Variants in SGCD observed in about 807,000 individuals in gnomAD.
SGCD encodes delta-sarcoglycan.
Under a neutral mutation model 36.6 loss-of-function variants are expected in SGCD, and 18 were observed. The observed-to-expected ratio is 0.49, with a 90% CI of 0.34 to 0.73. The LOEUF is 0.73. Ranked by LOEUF, SGCD falls within the 30% of genes least tolerant of loss-of-function variation. The pLI is 0.01. For synonymous variants in SGCD, 133 were observed against 130.6 expected, an observed-to-expected ratio of 1.02 and a Z score of -0.12; for missense variants, 387 against 346.7, an observed-to-expected ratio of 1.12 and a Z score of -0.92.
At chr5:156,256,285 G>A (rs1048266835) in intron 3 of SGCD, among the ~76,000 whole-genome samples, 2 of 152,180 alleles carry the variant, frequency 1.3e-5, no homozygotes, top group African/African-American at 4.8e-5. Context: ...CTCAAAACAA[G>A]TTAAGAATAT....
intron 3 of SGCD, among the ~76,000 whole-genome samples, chr5:156,264,788 G>C (rs1204400240): frequency 2.6e-5 from 4 of 152,082 alleles, no homozygotes; most frequent in African/African-American, 7.2e-5. Context: ...CATGTAACAA[G>C]GTAGAGGATT....
intron 3 of SGCD, among the ~76,000 whole-genome samples, chr5:156,220,391 A>T (rs1764687585): frequency 6.6e-6 from 1 of 152,276 alleles, no homozygotes; most frequent in Admixed American, 6.5e-5. Flanking sequence ...CCAACAGTCT[A>T]TTAAATAGAT....
chr5:156,050,655 A>G (rs142728317), intron 1 of SGCD, among the ~76,000 whole-genome samples: 2,050 of 146,516 alleles, frequency 0.014, 278 homozygotes, highest in Middle Eastern at 0.043. Flanking sequence ...AAAACAACAT[A>G]TATTTATTAT....
At chr5:156,044,274 C>T (rs1357563176) in intron 1 of SGCD, among the ~76,000 whole-genome samples, 2 of 152,154 alleles carry the variant, frequency 1.3e-5, no homozygotes, top group East Asian at 3.8e-4. Context: ...TCAACAAAGG[C>T]TGTTGAATGG....
chr5:155,854,573 T>G, the SGCD span, among the ~76,000 whole-genome samples: 1 of 152,182 alleles, frequency 6.6e-6, no homozygotes, highest in Non-Finnish European at 1.5e-5. Flanking sequence ...TTCAACTTGT[T>G]GGACCAAATG....
intron 6 of SGCD, among the ~76,000 whole-genome samples, chr5:156,618,232 A>T (rs1487396056): frequency 6.6e-6 from 1 of 152,200 alleles, no homozygotes. Context: ...CATTTGAGTA[A>T]TAAATCCTAA....
intron 6 of SGCD, among the ~76,000 whole-genome samples, chr5:156,632,465 T>G (rs773249400): frequency 1.3e-5 from 2 of 152,246 alleles, no homozygotes; most frequent in African/African-American, 2.4e-5. Context: ...AGACCTTTCT[T>G]TGGACTTTGT....
intron 1 of SGCD, among the ~76,000 whole-genome samples, chr5:156,033,663 G>A (rs1759415556): frequency 6.6e-6 from 1 of 152,180 alleles, no homozygotes; most frequent in Admixed American, 6.5e-5. Context: ...GGGAGGTAAA[G>A]TAGCTTTCTC....
intron 7 of SGCD, among the ~76,000 whole-genome samples, chr5:156,732,349 A>G (rs1485681497): frequency 1.3e-5 from 2 of 152,144 alleles, no homozygotes; most frequent in East Asian, 3.8e-4. Flanking sequence ...TTCTGCATCT[A>G]TTGAGATAAT....
chr5:155,864,631 A>G, the SGCD span, among the ~76,000 whole-genome samples: 4 of 152,364 alleles, frequency 2.6e-5, no homozygotes, highest in Admixed American at 2.6e-4. Context: ...ATTTGTATAC[A>G]GATTTTACTA....
chr5:155,818,310 AGGAGGGT>A, the SGCD span, among the ~76,000 whole-genome samples: 1 of 152,084 alleles, frequency 6.6e-6, no homozygotes, highest in African/African-American at 2.4e-5. Context: ...CAGGGTTGGA[AGGAGGGT>A]ATTCCAAAAA....
At chr5:155,918,866 C>T (rs953863526) in intron 1 of SGCD, among the ~76,000 whole-genome samples, 5 of 152,010 alleles carry the variant, frequency 3.3e-5, no homozygotes, top group African/African-American at 1.2e-4. Flanking sequence ...CATATGTCAG[C>T]TTCATAAAGA....
chr5:156,185,212 CTTTTTTTTTTT>C (rs755578762), intron 3 of SGCD, among the ~76,000 whole-genome samples: 1 of 113,232 alleles, frequency 8.8e-6, no homozygotes, highest in Non-Finnish European at 1.8e-5. Context: ...CTTTAATTTT[CTTTTTTTTTTT>C]TTTTTTTTTG....
At chr5:156,532,089 G>A (rs1299030231) in intron 4 of SGCD, among the ~76,000 whole-genome samples, 2 of 151,908 alleles carry the variant, frequency 1.3e-5, no homozygotes, top group Non-Finnish European at 2.9e-5. Context: ...CAGCCTGAGT[G>A]ATAAGAGCAA....
chr5:156,470,984 A>G (rs933913211), intron 3 of SGCD, among the ~76,000 whole-genome samples: 2 of 152,164 alleles, frequency 1.3e-5, no homozygotes, highest in Non-Finnish European at 2.9e-5. Context: ...TTGATGTTGA[A>G]TCTGAAGGAT....
At chr5:156,440,311 GCTGA>G (rs1753428374) in intron 3 of SGCD, among the ~76,000 whole-genome samples, 1 of 151,834 alleles carries the variant, frequency 6.6e-6, no homozygotes, top group Non-Finnish European at 1.5e-5. Context: ...CTTTTTTATT[GCTGA>G]CTAATATTTC....
At chr5:155,965,406 T>C (rs1757883037) in intron 1 of SGCD, among the ~76,000 whole-genome samples, 2 of 152,128 alleles carry the variant, frequency 1.3e-5, no homozygotes, top group African/African-American at 2.4e-5. Context: ...ATGTCAATCA[T>C]TGTTCAGGTC....
chr5:156,342,844 T>C (rs1160300374), intron 2 of SGCD, among the ~76,000 whole-genome samples: 1 of 152,232 alleles, frequency 6.6e-6, no homozygotes, highest in Non-Finnish European at 1.5e-5. Context: ...AGATGGGAAA[T>C]CATTCATTGG....
chr5:156,419,243 C>T (rs540001380), intron 3 of SGCD, among the ~76,000 whole-genome samples: 2 of 152,172 alleles, frequency 1.3e-5, no homozygotes, highest in African/African-American at 4.8e-5. Context: ...ATCACCTGCC[C>T]CTTAAACAGC....
Sources: allele counts gnomAD v4.1 joint callset (sites outside exome capture counted in the v4.1 genomes callset), GRCh38; gene constraint gnomAD v4.1.1; transcripts MANE v1.5; gene names NCBI Gene and HGNC (gene_info 2026-07-23, HGNC 2026-07-21).